ATP6V1B1: variants seen among roughly 807,000 people sequenced by gnomAD.
ATP6V1B1 encodes the protein ATPase H+ transporting V1 subunit B1.
Under a neutral mutation model 62.1 loss-of-function variants are expected in ATP6V1B1, and 41 were observed. The observed-to-expected ratio is 0.66, with a 90% CI of 0.51 to 0.86. The LOEUF (loss-of-function observed/expected upper bound fraction) is 0.86. Ranked by LOEUF, ATP6V1B1 falls within the 40% of genes least tolerant of loss-of-function variation. The pLI, the probability that ATP6V1B1 is intolerant of heterozygous loss-of-function variation, is 0.00. For missense variants in ATP6V1B1, 651 were observed against 697.5 expected (o/e 0.93, Z 0.75); for synonymous variants, 253 against 273.4 (o/e 0.93, Z 0.74).
intron 2 of ATP6V1B1, among the ~76,000 whole-genome samples, chr2:70,954,146 C>G (rs1448084619): frequency 6.6e-6 from 1 of 152,088 alleles, no homozygotes; most frequent in Admixed American, 6.5e-5. Context: ...CTTATTTCCT[C>G]TACTTTCTTT....
rs1457690498 is a variant in ATP6V1B1 at position 70,961,035 on chromosome 2, A to C, written c.687+13A>C. On this transcript the variant is annotated intron_variant, in intron 7 of 13. Coordinates refer to ENST00000234396, the MANE Select transcript of ATP6V1B1 (RefSeq NM_001692.4). ...TGCAGCCATGGGGGTGAGGAGACTT[A>C]GTAGACTGGCAAGTTCTGGAGGCTG... 1.9e-6 allele frequency: 3 copies of C among 1,566,174 alleles called. No individual in the cohort carries two copies. Among genetic ancestry groups the C allele is most frequent in the Non-Finnish European group, 1.7e-6 (2 of 1,155,038 alleles).
chr2:70,938,769 T>C (rs1161545101), intron 1 of ATP6V1B1: 3 of 985,202 alleles, frequency 3.0e-6, no homozygotes, highest in Non-Finnish European at 3.6e-6. Flanking sequence ...CTTCATCTGT[T>C]TGGGCAGAAG....
chr2:70,942,985 C>T (rs1558669403), intron 1 of ATP6V1B1, among the ~76,000 whole-genome samples: 1 of 152,214 alleles, frequency 6.6e-6, no homozygotes, highest in Non-Finnish European at 1.5e-5. Context: ...ACCCAATTCC[C>T]TATGCAAGCT....
Position 70,958,352 on chromosome 2 carries a change from G to C in ATP6V1B1, c.293G>C (p.Gly98Ala). ...AIVQVFEGTS[G>A]IDARKTTCEF... ...CCACAGGTGTTTGAAGGGACATCAGGGATCGATGCCAGGAAGACCACTTGC... is the reference window on the plus strand; with the variant it reads ...CCACAGGTGTTTGAAGGGACATCAGCGATCGATGCCAGGAAGACCACTTGC... Residue 98 changes from glycine (G) to alanine (A), a missense_variant, in exon 4 of 14, where the codon GGG becomes GCG. Transcript: ENST00000234396. 6.2e-7 allele frequency: 1 copy of C among 1,614,130 alleles called. No individual in the cohort carries two copies. The highest frequency in any genetic ancestry group is 8.5e-7 in the Non-Finnish European group (1 of 1,180,016).
At chr2:70,954,956 T>C (rs1680400531) in intron 2 of ATP6V1B1, among the ~76,000 whole-genome samples, 1 of 152,020 alleles carries the variant, frequency 6.6e-6, no homozygotes, top group Admixed American at 6.5e-5. Context: ...TGACGATGAG[T>C]GTCAATGGGG....
Position 70,963,099 on chromosome 2 carries a change from C to T in ATP6V1B1, c.910-63C>T. 1.2e-6 allele frequency: 2 copies of T among 1,611,322 alleles called. No individual in the cohort carries two copies. The highest frequency in any genetic ancestry group is 1.7e-5 in the Admixed American group (1 of 60,022). On this transcript the variant is annotated intron_variant, in intron 9 of 13. Coordinates refer to ENST00000234396, the MANE Select transcript of ATP6V1B1 (RefSeq NM_001692.4). This position sits in a 1 kb window ranked among gnomAD's most constrained non-coding sequence, Gnocchi z 4.3. The stretch of plus-strand genomic sequence containing the variant: ...TCTCACAGGGTCACTGAACCTCCCA[C>T]CCACCCTTCCTAGCTTCAGCCTCTC...
rs374247715 is a variant in ATP6V1B1 at position 70,961,650 on chromosome 2, A to T, written c.742A>T (p.Met248Leu). Reference protein sequence around the residue: ...FKSDFEQNGTMGNVCLFLNLA... With the variant: ...FKSDFEQNGTLGNVCLFLNLA... ...GTCTGACTTTGAGCAGAATGGAACC[A>T]TGGGGAACGTCTGCCTCTTCCTGAA... The change falls in exon 8 of 14, where the codon ATG becomes TTG. Residue 248 changes from methionine to leucine, a missense_variant. Met to Leu is a conservative substitution (Grantham distance 15). Coordinates refer to ENST00000234396, the MANE Select transcript of ATP6V1B1 (RefSeq NM_001692.4). The T allele has an allele frequency of 1.2e-6, 2 of 1,614,228 alleles. No individual in the cohort carries two copies. Among genetic ancestry groups the T allele is most frequent in the Admixed American group, 3.3e-5 (2 of 60,034 alleles).
chr2:70,940,114 G>A (rs1679956880), intron 1 of ATP6V1B1: 1 of 152,762 alleles, frequency 6.5e-6, no homozygotes, highest in African/African-American at 2.4e-5. Flanking sequence ...CTGAGGGAAG[G>A]GCTGTGTGGA....
intron 1 of ATP6V1B1, among the ~76,000 whole-genome samples, chr2:70,943,082 C>T (rs1553416647): frequency 6.6e-6 from 1 of 152,174 alleles, no homozygotes; most frequent in African/African-American, 2.4e-5. Context: ...CCCTCCCCTC[C>T]CATGCTGAGC....
At chr2:70,958,452 G>T (rs372947302) in intron 4 of ATP6V1B1, 26 bp downstream of exon 4, 2 of 1,599,768 alleles carry the variant, frequency 1.3e-6, no homozygotes, top group Admixed American at 1.7e-5. Context: ...GGGCAGGGGT[G>T]GGGGTGCTCC....
chr2:70,936,260 G>A lies in ATP6V1B1; in HGVS notation c.118+188G>A, dbSNP rs60808492. On this transcript the variant is annotated intron_variant, in intron 1 of 13. Transcript: ENST00000234396. The stretch of plus-strand genomic sequence containing the variant: ...TGGACCAGAGGCCACCTCTGCAGGT[G>A]AAGGGTTGCAGGTCCCCAGCCCAGC... Among the ~76,000 whole-genome samples the A allele has an allele frequency of 0.017, 2,526 of 152,282 alleles. 68 individuals are homozygous for A. Among genetic ancestry groups the A allele is most frequent in the African/African-American group, 0.053 (2,200 of 41,546 alleles).
chr2:70,952,819 T>C (rs893011661), intron 2 of ATP6V1B1, among the ~76,000 whole-genome samples: 1 of 152,376 alleles, frequency 6.6e-6, no homozygotes, highest in East Asian at 1.9e-4. Context: ...TTCCTTCTAA[T>C]TGTTATTCAT....
chr2:70,949,191 C>T (rs1415837020), intron 2 of ATP6V1B1, among the ~76,000 whole-genome samples: 1 of 152,124 alleles, frequency 6.6e-6, no homozygotes, highest in Non-Finnish European at 1.5e-5. Flanking sequence ...AGAGGTTGAC[C>T]TCGGGGTCAG....
At chr2:70,943,842 C>A in intron 2 of ATP6V1B1, 129 bp downstream of exon 2, 1 of 1,343,786 alleles carries the variant, frequency 7.4e-7, no homozygotes, top group Non-Finnish European at 1.0e-6. Flanking sequence ...TTCTCTCCAT[C>A]CAGGCACCCA....
In ATP6V1B1 at chr2:70,959,955, G is replaced by A. The variant is rs1471681639; in HGVS notation, c.462G>A (p.Pro154=). 27 of 1,613,970 alleles carry A rather than the reference G, an allele frequency of 1.7e-5. No homozygotes were observed. Among genetic ancestry groups the A allele is most frequent in the South Asian group, 2.2e-5 (2 of 91,086 alleles). The stretch of plus-strand genomic sequence containing the variant: ...CTCTCCCAGGCCAGCCCATCAACCC[G>A]CACTCCCGCATCTACCCCGAGGAGA... ...FLDINGQPIN[P]HSRIYPEEMI... Residue 154 remains proline (P), a synonymous_variant, in exon 6 of 14, where the codon CCG becomes CCA. Transcript: ENST00000234396. This position sits in a 1 kb window ranked among gnomAD's most constrained non-coding sequence, Gnocchi z 4.2.
rs1253976243 is a variant in ATP6V1B1, at chr2:70,965,056, G to T, written c.1477G>T (p.Val493Leu). ...GATGCTGAAGCGCATTCCGCAGGCC[G>T]TGATCGACGAGTTCTATTCCCGCGA... ...KEMLKRIPQA[V>L]IDEFYSREGA... The change falls in exon 14 of 14, where the codon GTG (valine) becomes TTG (leucine). Residue 493 changes from valine to leucine, a missense_variant. By Grantham distance (32) the Val-to-Leu change is conservative (BLOSUM62 1). Coordinates refer to ENST00000234396, the MANE Select transcript of ATP6V1B1 (RefSeq NM_001692.4). The T allele has an allele frequency of 1.2e-6, 2 of 1,613,364 alleles. No individual in the cohort carries two copies. Among genetic ancestry groups the T allele is most frequent in the Admixed American group, 1.7e-5 (1 of 60,010 alleles).
intron 2 of ATP6V1B1, among the ~76,000 whole-genome samples, chr2:70,957,087 CTTT>C (rs56407020): frequency 0.055 from 6,878 of 125,016 alleles, 255 homozygotes; most frequent in African/African-American, 0.12. Context: ...AGTTCTTCTT[CTTT>C]TTTTTTTTTT....
intron 2 of ATP6V1B1, among the ~76,000 whole-genome samples, chr2:70,950,616 G>T (rs1231018390): frequency 6.6e-6 from 1 of 151,928 alleles, no homozygotes; most frequent in Non-Finnish European, 1.5e-5. Context: ...AAAAAAGGAG[G>T]GGGGGAATGA....
In ATP6V1B1 at chr2:70,965,294, C is replaced by T; in HGVS notation, c.*173C>T. ...CCTTTCCCTCGCTCGATTCCTTTTC[C>T]CGCGCTCCATGCCTCCCCCTCGACT... On this transcript the variant is annotated 3_prime_UTR_variant, in exon 14 of 14. Coordinates refer to ENST00000234396, the MANE Select transcript of ATP6V1B1 (RefSeq NM_001692.4). 1 of 953,170 alleles carries T rather than the reference C, an allele frequency of 1.0e-6. No individual in the cohort carries two copies. The highest frequency in any genetic ancestry group is 1.5e-6 in the Non-Finnish European group (1 of 648,168). The allele number at this position is 953,170 out of a possible 1,614,324, so 59.0% of individuals were successfully genotyped here.
Sources: gnomAD v4.1 joint callset for allele counts (sites outside exome capture counted in the v4.1 genomes callset) on GRCh38, gnomAD v4.1.1 for gene constraint, Gnocchi (gnomAD v3.1) non-coding constraint, MANE v1.5 for transcripts, NCBI Gene and HGNC (gene_info 2026-07-23, HGNC 2026-07-21) for gene names.